Variants in PLEKHA7 observed in about 807,000 individuals in gnomAD.
The protein encoded by PLEKHA7 is pleckstrin homology domain containing A7.
A neutral mutation model predicts 170.0 loss-of-function variants in PLEKHA7; 104 were observed. That is an observed-to-expected ratio of 0.61 (90% CI 0.52 to 0.72). PLEKHA7 has a LOEUF of 0.72. Among genes scored for constraint, PLEKHA7 ranks in the 30% least tolerant of loss-of-function variants. PLEKHA7 has a pLI of 0.00. For synonymous variants in PLEKHA7, 648 were observed against 660.8 expected, an observed-to-expected ratio of 0.98 and a Z score of 0.30; for missense variants, 1,615 against 1,671.7, an observed-to-expected ratio of 0.97 and a Z score of 0.59.
chr11:16,850,973 T>C (rs1186516472), intron 8 of PLEKHA7, among the ~76,000 whole-genome samples: 1 of 152,158 alleles, frequency 6.6e-6, no homozygotes, highest in African/African-American at 2.4e-5. Flanking sequence ...GGGGTCTGAA[T>C]ACTTGAACAT....
intron 8 of PLEKHA7, among the ~76,000 whole-genome samples, chr11:16,844,520 A>G (rs1852229804): frequency 6.6e-6 from 1 of 152,204 alleles, no homozygotes; most frequent in African/African-American, 2.4e-5. Flanking sequence ...GATGATGTGA[A>G]TCTTCTCACT....
chr11:16,845,772 G>T (rs372335239), intron 8 of PLEKHA7, among the ~76,000 whole-genome samples: 25 of 152,170 alleles, frequency 1.6e-4, no homozygotes, highest in Non-Finnish European at 3.2e-4. Context: ...AACAGGTGAG[G>T]GGGGGATGGG....
At chr11:16,909,390 T>C (rs996808869) in intron 3 of PLEKHA7, among the ~76,000 whole-genome samples, 1 of 152,228 alleles carries the variant, frequency 6.6e-6, no homozygotes, top group Non-Finnish European at 1.5e-5. Flanking sequence ...TCTTGTACTA[T>C]GTGTATTCTG....
intron 24 of PLEKHA7, 58 bp from the exon 25 acceptor site, chr11:16,783,891 C>T (rs925304184): frequency 1.1e-5 from 15 of 1,349,750 alleles, no homozygotes; most frequent in South Asian, 1.8e-5. Context: ...GTTTAGGACT[C>T]GCTTTCCCCA....
intron 3 of PLEKHA7, among the ~76,000 whole-genome samples, chr11:16,935,590 T>A (rs1002339276): frequency 1.3e-5 from 2 of 152,188 alleles, no homozygotes; most frequent in Non-Finnish European, 2.9e-5. Context: ...GTTATTAGGT[T>A]TTCCAAATCA....
intron 19 of PLEKHA7, among the ~76,000 whole-genome samples, chr11:16,792,140 G>A: frequency 6.6e-6 from 1 of 150,964 alleles, no homozygotes; most frequent in East Asian, 1.9e-4. Flanking sequence ...GATACGCACT[G>A]GTTCTCTGAG....
intron 19 of PLEKHA7, 147 bp downstream of exon 19, chr11:16,794,341 T>G: frequency 1.3e-6 from 1 of 766,740 alleles, no homozygotes; most frequent in Non-Finnish European, 2.2e-6. Flanking sequence ...GAAATACTAC[T>G]TTTTAACTGC....
chr11:16,968,461 C>T (rs778383491), intron 3 of PLEKHA7, among the ~76,000 whole-genome samples: 5 of 152,204 alleles, frequency 3.3e-5, no homozygotes, highest in Admixed American at 6.5e-5. Context: ...AGGCTCTCTG[C>T]ACTGCCCTCT....
At chr11:16,911,649 T>C (rs1228419680) in intron 3 of PLEKHA7, among the ~76,000 whole-genome samples, 1 of 151,820 alleles carries the variant, frequency 6.6e-6, no homozygotes, top group East Asian at 1.9e-4. Flanking sequence ...GTCTCGGGGA[T>C]AACAGAGAGC....
chr11:16,794,220 G>A (rs188324362), intron 19 of PLEKHA7, among the ~76,000 whole-genome samples: 4 of 151,944 alleles, frequency 2.6e-5, no homozygotes, highest in East Asian at 3.9e-4. Context: ...TACTCAGCAC[G>A]CTCACTTCTT....
chr11:16,925,927 A>G (rs7395923), intron 3 of PLEKHA7, among the ~76,000 whole-genome samples: 1 of 152,154 alleles, frequency 6.6e-6, no homozygotes, highest in Admixed American at 6.5e-5. Flanking sequence ...GGGAGGGAAA[A>G]GGGCGGAGGG....
chr11:16,801,145 G>A, intron 16 of PLEKHA7, 70 bp from the exon 17 acceptor site: 2 of 1,348,212 alleles, frequency 1.5e-6, no homozygotes, highest in Non-Finnish European at 2.1e-6. Context: ...ACGAACACCT[G>A]TACTCCTGAC....
intron 17 of PLEKHA7, chr11:16,795,368 G>A (rs922224959): frequency 1.5e-5 from 4 of 263,562 alleles, no homozygotes; most frequent in African/African-American, 6.6e-5. Context: ...GTTGCTGGGG[G>A]CGGGGGAGAG....
intron 3 of PLEKHA7, among the ~76,000 whole-genome samples, chr11:16,959,226 T>TCC (rs140983062): frequency 0.34 from 13,423 of 39,600 alleles, 1,964 homozygotes; most frequent in African/African-American, 0.54. Context: ...TCTGCTCCCC[T>TCC]CTCTCCCCCT....
At chr11:16,890,846 A>T (rs401725) in intron 3 of PLEKHA7, among the ~76,000 whole-genome samples, 1 of 151,918 alleles carries the variant, frequency 6.6e-6, no homozygotes, top group Non-Finnish European at 1.5e-5. Flanking sequence ...CTAACATGAA[A>T]AAATATATAT....
intron 3 of PLEKHA7, among the ~76,000 whole-genome samples, chr11:16,963,917 T>C (rs894053993): frequency 3.9e-5 from 6 of 152,260 alleles, no homozygotes; most frequent in African/African-American, 1.4e-4. Flanking sequence ...ACTATGTTCC[T>C]AAAACTTTGT....
intron 21 of PLEKHA7, 187 bp from the exon 22 acceptor site, chr11:16,790,065 G>T: frequency 3.3e-6 from 2 of 605,196 alleles, no homozygotes; most frequent in Non-Finnish European, 5.9e-6. Flanking sequence ...CAGCCCAGGG[G>T]TGACCTTTGT....
chr11:16,999,563 C>T (rs1030356781), intron 3 of PLEKHA7, among the ~76,000 whole-genome samples: 2 of 152,116 alleles, frequency 1.3e-5, no homozygotes, highest in African/African-American at 4.8e-5. Flanking sequence ...AGGCTCCCTC[C>T]TGGGTAACGG....
In PLEKHA7 at chr11:16,851,207, C is replaced by A. The variant is rs144777964; in HGVS notation, c.680G>T (p.Arg227Leu). The change falls in exon 8 of 27, where the codon CGC (arginine) becomes CTC (leucine). Residue 227 changes from arginine (R) to leucine (L), a missense_variant. Transcript: ENST00000531066. The stretch of plus-strand genomic sequence containing the variant: ...GGGCAGTACCTTAAAGGAATATTTG[C>A]GGCTTATGCGATCCTCAGGGGCCAC... ...SPVAPEDRIS[R>L]KYSFKAVHTG... The A allele has an allele frequency of 2.5e-6, 4 of 1,607,960 alleles. No individual in the cohort carries two copies. The highest frequency in any genetic ancestry group is 3.4e-6 in the Non-Finnish European group (4 of 1,176,890).
Sources: allele counts gnomAD v4.1 joint callset (sites outside exome capture counted in the v4.1 genomes callset), GRCh38; gene constraint gnomAD v4.1.1; transcripts MANE v1.5; gene names NCBI Gene and HGNC (gene_info 2026-07-23, HGNC 2026-07-21).